The following TSPEAR variants were observed in gnomAD, a reference collection of about 807,000 sequenced individuals.
TSPEAR encodes the protein thrombospondin-type laminin G domain and EAR repeat-containing protein.
A neutral mutation model predicts 71.6 loss-of-function variants in TSPEAR; 69 were observed. The observed-to-expected ratio is 0.96, with a 90% CI of 0.79 to 1.18. TSPEAR has a LOEUF of 1.18. Ranked by LOEUF, TSPEAR falls within the 50% of genes most tolerant of loss-of-function variation. The pLI is 0.00. For missense variants in TSPEAR, 971 were observed against 894.9 expected, an observed-to-expected ratio of 1.09 and a Z score of -1.09; for synonymous variants, 402 against 387.2, an observed-to-expected ratio of 1.04 and a Z score of -0.45.
At position 44,702,375 on chromosome 21, in the gene TSPEAR, A is replaced by G. The variant is rs916827050; in HGVS notation, c.82+9058T>C. ...GTGTGTCCAGCCCCTGCTGCCAGGC[A>G]GCCTGTGAGCCCAGCTCCTGCACGC... On this transcript the variant is annotated intron_variant, in intron 1 of 11. Coordinates refer to ENST00000323084, the MANE Select transcript of TSPEAR (RefSeq NM_144991.3). 7.5e-6 allele frequency: 12 copies of G among 1,608,138 alleles called. 1 individual carries two copies. Among genetic ancestry groups the G allele is most frequent in the African/African-American group, 6.7e-5 (5 of 74,132 alleles).
chr21:44,639,161 C>T (rs1328837375), intron 1 of TSPEAR, among the ~76,000 whole-genome samples: 1 of 152,150 alleles, frequency 6.6e-6, no homozygotes, highest in African/African-American at 2.4e-5. Flanking sequence ...CTTTTGGTCC[C>T]GTGGTCCTGG....
At chr21:44,524,071 GTAGT>G (rs2052794520) in intron 8 of TSPEAR, among the ~76,000 whole-genome samples, 1 of 151,414 alleles carries the variant, frequency 6.6e-6, no homozygotes, top group South Asian at 2.1e-4. Context: ...AGTCAGTCAG[GTAGT>G]TAGGCAATCA....
intron 2 of TSPEAR, among the ~76,000 whole-genome samples, chr21:44,549,634 C>T (rs2053366683): frequency 6.6e-6 from 1 of 152,260 alleles, no homozygotes; most frequent in Admixed American, 6.5e-5. Flanking sequence ...CCCTTGCCTG[C>T]ATTTGCATTT....
At chr21:44,656,803 G>T (rs781895633) in intron 1 of TSPEAR, among the ~76,000 whole-genome samples, 10 of 152,070 alleles carry the variant, frequency 6.6e-5, no homozygotes, top group Non-Finnish European at 1.0e-4. Context: ...CAAACTACTA[G>T]TATGTTAGAC....
intron 1 of TSPEAR, chr21:44,627,624 T>C: frequency 6.2e-7 from 1 of 1,610,538 alleles, no homozygotes; most frequent in Non-Finnish European, 8.5e-7. Flanking sequence ...CTGTGTGCTG[T>C]GCGCCCACCT....
At chr21:44,537,839 T>C (rs1011270002) in intron 2 of TSPEAR, among the ~76,000 whole-genome samples, 5 of 152,174 alleles carry the variant, frequency 3.3e-5, no homozygotes, top group Non-Finnish European at 7.3e-5. Context: ...AGAAATGGGC[T>C]AGGAATGTGA....
chr21:44,553,488 G>A (rs1467358353), intron 2 of TSPEAR, among the ~76,000 whole-genome samples: 4 of 152,020 alleles, frequency 2.6e-5, no homozygotes, highest in Admixed American at 6.5e-5. Context: ...CCAAACATGA[G>A]TTCTTCCAAA....
chr21:44,549,399 GTC>G (rs2053360798), intron 2 of TSPEAR, among the ~76,000 whole-genome samples: 3 of 152,238 alleles, frequency 2.0e-5, no homozygotes, highest in African/African-American at 2.4e-5. Context: ...TGGAGAGACA[GTC>G]AGGGCCATCC....
intron 1 of TSPEAR, among the ~76,000 whole-genome samples, chr21:44,571,955 G>A (rs981402925): frequency 1.4e-4 from 22 of 152,244 alleles, no homozygotes; most frequent in African/African-American, 5.1e-4. Context: ...GGCCCCCGGA[G>A]GGGCACCAGC....
chr21:44,612,248 T>C lies in TSPEAR; in HGVS notation c.83-44243A>G. On this transcript the variant is annotated intron_variant, in intron 1 of 11. Coordinates refer to ENST00000323084, the MANE Select transcript of TSPEAR (RefSeq NM_144991.3). The surrounding 1 kb of genome is among the most constrained non-coding windows in gnomAD (Gnocchi z 4.1). ...GCAGGTGGACAATTGCCAGGAAAGCTGCTGCGAGCCCCGCTCCTGTGCCTC... is the reference window on the plus strand; with the variant it reads ...GCAGGTGGACAATTGCCAGGAAAGCCGCTGCGAGCCCCGCTCCTGTGCCTC... The C allele has an allele frequency of 1.2e-6, 2 of 1,613,676 alleles. No individual in the cohort carries two copies. Among genetic ancestry groups the C allele is most frequent in the South Asian group, 2.2e-5 (2 of 91,078 alleles).
At position 44,695,483 on chromosome 21, in the gene TSPEAR, C is replaced by T. The variant is rs930706357; in HGVS notation, c.82+15950G>A. Among the ~76,000 whole-genome samples, 2 of 152,214 alleles carry T rather than the reference C, an allele frequency of 1.3e-5. No individual in the cohort carries two copies. Among genetic ancestry groups the T allele is most frequent in the Non-Finnish European group, 2.9e-5 (2 of 68,028 alleles). ...GGGCCTCTCCCTGGCCATGCCCCAA[C>T]CTGGCTCACACTCCCTCAGGGTTGC... On this transcript the variant is annotated intron_variant, in intron 1 of 11. Coordinates refer to ENST00000323084, the MANE Select transcript of TSPEAR (RefSeq NM_144991.3). The surrounding 1 kb of genome is among the most constrained non-coding windows in gnomAD (Gnocchi z 4.5).
Position 44,595,131 on chromosome 21 carries a change from A to AT in TSPEAR, c.83-27127dup, listed in dbSNP as rs1185608836. On this transcript the variant is annotated intron_variant, in intron 1 of 11. Transcript: ENST00000323084. ...AGCCATTGCACCTGGCCAGATGGTG[A>AT]TTTTTTTAAATGAACACAAGCAGTC... Among the ~76,000 whole-genome samples, 7 of 152,076 alleles carry AT rather than the reference A, an allele frequency of 4.6e-5. 1 individual carries two copies. Among genetic ancestry groups the AT allele is most frequent in the South Asian group, 4.2e-4 (2 of 4,812 alleles).
intron 1 of TSPEAR, among the ~76,000 whole-genome samples, chr21:44,698,402 C>A (rs1321307337): frequency 6.6e-6 from 1 of 152,220 alleles, no homozygotes; most frequent in African/African-American, 2.4e-5. Context: ...CAGGCCCCAA[C>A]ACACATTAGT....
chr21:44,563,777 C>G (rs1451961496), intron 2 of TSPEAR, among the ~76,000 whole-genome samples: 1 of 152,142 alleles, frequency 6.6e-6, no homozygotes, highest in African/African-American at 2.4e-5. Flanking sequence ...TTCTTGTAAT[C>G]CTCTGGTCGC....
chr21:44,698,037 G>A lies in TSPEAR; in HGVS notation c.82+13396C>T, dbSNP rs942900343. 19 of 1,432,294 alleles carry A rather than the reference G, an allele frequency of 1.3e-5. No homozygotes were observed. The Admixed American group carries it at 2.1e-4, about 16-fold the overall frequency. The allele number at this position is 1,432,294 out of a possible 1,614,324, so 88.7% of individuals were successfully genotyped here. ...CCACCTCTCCCACTACTGGCCCCTC[G>A]GCTGCTCTGGTGTCTGTCTCTTCCT... is the stretch of plus-strand genomic sequence containing the variant. On this transcript the variant is annotated intron_variant, in intron 1 of 11. Coordinates refer to ENST00000323084, the MANE Select transcript of TSPEAR (RefSeq NM_144991.3).
At chr21:44,582,233 CA>C (rs1170407461) in intron 1 of TSPEAR, among the ~76,000 whole-genome samples, 3 of 152,214 alleles carry the variant, frequency 2.0e-5, no homozygotes, top group Admixed American at 6.5e-5. Context: ...CCCATTTTGA[CA>C]GTTGCAGAAA....
At chr21:44,619,224 G>T (rs1225762816) in intron 1 of TSPEAR, among the ~76,000 whole-genome samples, 1 of 152,208 alleles carries the variant, frequency 6.6e-6, no homozygotes, top group Non-Finnish European at 1.5e-5. Flanking sequence ...GATTCCAGGG[G>T]TTTAAGGAAC....
chr21:44,646,366 G>C (rs1035900665), intron 1 of TSPEAR: 4 of 1,501,178 alleles, frequency 2.7e-6, no homozygotes, highest in Non-Finnish European at 3.6e-6. Flanking sequence ...GGATTTAAAA[G>C]CCCCACAGCC....
intron 3 of TSPEAR, among the ~76,000 whole-genome samples, chr21:44,531,702 C>G (rs1387909145): frequency 6.6e-6 from 1 of 152,220 alleles, no homozygotes; most frequent in Non-Finnish European, 1.5e-5. Flanking sequence ...CTCCAGCCCA[C>G]TCACCCTCCC....
Sources: allele counts gnomAD v4.1 joint callset (sites outside exome capture counted in the v4.1 genomes callset), GRCh38; gene constraint gnomAD v4.1.1; non-coding constraint Gnocchi (gnomAD v3.1); transcripts MANE v1.5; gene names NCBI Gene and HGNC (gene_info 2026-07-23, HGNC 2026-07-21).